Variants in THSD7B observed in about 807,000 individuals in gnomAD.
The protein encoded by THSD7B is thrombospondin type-1 domain-containing protein 7B.
THSD7B carries 138 observed loss-of-function variants against 213.6 expected under a neutral mutation model. The ratio of observed to expected loss-of-function variants is 0.65; its 90% CI spans 0.56 to 0.74. The LOEUF is 0.74. THSD7B is among the 30% of genes least tolerant of loss of function. The probability of loss-of-function intolerance (pLI) is 0.00; values close to 1 mark genes in which losing one functional copy is unlikely to be tolerated. For synonymous variants in THSD7B, 742 were observed against 687.0 expected, an observed-to-expected ratio of 1.08 and a Z score of -1.25; for missense variants, 1,931 against 1,991.5, an observed-to-expected ratio of 0.97 and a Z score of 0.58.
At chr2:137,623,865 T>A (rs1310104391) in intron 20 of THSD7B, among the ~76,000 whole-genome samples, 1 of 152,144 alleles carries the variant, frequency 6.6e-6, no homozygotes, top group African/African-American at 2.4e-5. Context: ...CATGCTAATG[T>A]GTAGGAAGAA....
At chr2:136,873,431 A>G (rs895929748) in intron 1 of THSD7B, among the ~76,000 whole-genome samples, 2 of 152,172 alleles carry the variant, frequency 1.3e-5, no homozygotes, top group African/African-American at 2.4e-5. Flanking sequence ...TGAACAAGTT[A>G]CTAAACATCA....
intron 3 of THSD7B, among the ~76,000 whole-genome samples, chr2:137,080,375 T>C (rs1269169419): frequency 6.9e-6 from 1 of 144,274 alleles, no homozygotes; most frequent in Non-Finnish European, 1.5e-5. Flanking sequence ...CTGTTTTTTT[T>C]TTTTTTTTTT....
At chr2:137,285,766 T>C (rs544265835) in intron 12 of THSD7B, among the ~76,000 whole-genome samples, 1 of 152,124 alleles carries the variant, frequency 6.6e-6, no homozygotes, top group African/African-American at 2.4e-5. Context: ...CATTTCATAA[T>C]CTAGTCTTTC....
chr2:137,267,592 G>A (rs1432018731), intron 10 of THSD7B, among the ~76,000 whole-genome samples: 1 of 144,064 alleles, frequency 6.9e-6, no homozygotes, highest in African/African-American at 2.6e-5. Context: ...CTAATTGTCT[G>A]CCTAGTACAG....
chr2:136,828,849 C>T lies in THSD7B; in HGVS notation c.-35-53295C>T, dbSNP rs1682701981. Among the ~76,000 whole-genome samples the T allele has an allele frequency of 2.0e-5, 3 of 152,186 alleles. No individual in the cohort carries two copies. In the South Asian group the frequency reaches 6.2e-4, roughly 31 times the overall value. On this transcript the variant is annotated intron_variant, in intron 1 of 27. Coordinates refer to ENST00000409968, the MANE Select transcript of THSD7B (RefSeq NM_001316349.2). ...TAGGTTCTTTTCTCCTTTTATCTCT[C>T]ACATAGCAACATGGTCTTCTCCTGT... is the stretch of plus-strand genomic sequence containing the variant.
At chr2:136,801,556 A>G (rs1413544505) in intron 1 of THSD7B, among the ~76,000 whole-genome samples, 1 of 152,118 alleles carries the variant, frequency 6.6e-6, no homozygotes, top group East Asian at 1.9e-4. Flanking sequence ...ACCTTTTTAA[A>G]TAAGGTTCAA....
intron 2 of THSD7B, among the ~76,000 whole-genome samples, chr2:136,929,517 T>C (rs1015887266): frequency 2.0e-5 from 3 of 152,198 alleles, no homozygotes; most frequent in African/African-American, 7.2e-5. Context: ...ATTCATAAGT[T>C]AAAACAAAAA....
intron 1 of THSD7B, among the ~76,000 whole-genome samples, chr2:136,859,135 T>C (rs1683221261): frequency 6.6e-6 from 1 of 152,208 alleles, no homozygotes; most frequent in Non-Finnish European, 1.5e-5. Flanking sequence ...AACTTACTAT[T>C]TCTGTACTTG....
chr2:137,572,383 T>G (rs776876287), intron 16 of THSD7B, 23 bp from the exon 17 acceptor site: 6 of 1,612,998 alleles, frequency 3.7e-6, no homozygotes, highest in South Asian at 1.1e-5. Context: ...ATAATCAAAC[T>G]ATCTTGTGAC....
chr2:137,395,868 A>C (rs1369070568), intron 12 of THSD7B, among the ~76,000 whole-genome samples: 4 of 148,554 alleles, frequency 2.7e-5, no homozygotes, highest in Admixed American at 6.7e-5. Flanking sequence ...TCAGAGATTC[A>C]ACTTCTTCCT....
At chr2:136,879,635 C>T (rs1366877316) in intron 1 of THSD7B, among the ~76,000 whole-genome samples, 2 of 152,082 alleles carry the variant, frequency 1.3e-5, no homozygotes, top group Non-Finnish European at 2.9e-5. Context: ...TCCTTCACAT[C>T]CCTTGTAAGT....
intron 18 of THSD7B, 39 bp downstream of exon 18, chr2:137,616,355 C>A: frequency 2.5e-6 from 4 of 1,586,428 alleles, no homozygotes; most frequent in Non-Finnish European, 3.4e-6. Flanking sequence ...TCTCCCTGAA[C>A]ATTGACTAAT....
Position 136,838,352 on chromosome 2 carries a change from C to G in THSD7B, c.-35-43792C>G, listed in dbSNP as rs16836916. ...GAGTCATATTTTGGGCTTAGGGATA[C>G]TAAGGGCAGAGTTCCCCTTTCATCA... On this transcript the variant is annotated intron_variant, in intron 1 of 27. Transcript: ENST00000409968. 9.7e-3 allele frequency among the ~76,000 whole-genome samples: 1,475 copies of G among 152,186 alleles called. 28 individuals carry two copies. Among genetic ancestry groups the G allele is most frequent in the African/African-American group, 0.034 (1,398 of 41,510 alleles).
intron 7 of THSD7B, among the ~76,000 whole-genome samples, chr2:137,204,638 T>C (rs1235559078): frequency 6.6e-6 from 1 of 152,124 alleles, no homozygotes; most frequent in Non-Finnish European, 1.5e-5. Flanking sequence ...TACATATCTA[T>C]GTATGTAACA....
chr2:137,067,206 G>A (rs1239865403), intron 3 of THSD7B, among the ~76,000 whole-genome samples: 1 of 152,014 alleles, frequency 6.6e-6, no homozygotes, highest in Non-Finnish European at 1.5e-5. Context: ...GTTTGCTTTA[G>A]CTTTTCAAAC....
chr2:136,928,469 G>C (rs977640166), intron 2 of THSD7B, among the ~76,000 whole-genome samples: 4 of 152,110 alleles, frequency 2.6e-5, no homozygotes, highest in African/African-American at 9.7e-5. Flanking sequence ...TCCTGTGTTT[G>C]ACATTATTGT....
chr2:136,852,655 T>G (rs2104964863), intron 1 of THSD7B, among the ~76,000 whole-genome samples: 1 of 152,354 alleles, frequency 6.6e-6, no homozygotes, highest in South Asian at 2.1e-4. Context: ...GATTTTGTTC[T>G]TTTATATGTT....
intron 1 of THSD7B, among the ~76,000 whole-genome samples, chr2:136,821,076 A>G (rs1035005395): frequency 7.9e-5 from 12 of 152,214 alleles, no homozygotes; most frequent in African/African-American, 2.4e-4. Context: ...AAAAATGACA[A>G]TCTCATTGAA....
intron 12 of THSD7B, among the ~76,000 whole-genome samples, chr2:137,373,046 C>T (rs1019663792): frequency 6.6e-6 from 1 of 151,952 alleles, no homozygotes; most frequent in Non-Finnish European, 1.5e-5. Flanking sequence ...TTTATGGCTG[C>T]ATAGTATTCC....
Sources: allele counts gnomAD v4.1 joint callset (sites outside exome capture counted in the v4.1 genomes callset), GRCh38; gene constraint gnomAD v4.1.1; transcripts MANE v1.5; gene names NCBI Gene and HGNC (gene_info 2026-07-23, HGNC 2026-07-21).